Variants in ATP6V0E2 observed in about 807,000 individuals in gnomAD.
ATP6V0E2 encodes V-type proton ATPase subunit e 2.
Under a neutral mutation model 11.5 loss-of-function variants are expected in ATP6V0E2, and 4 were observed. The observed-to-expected ratio is 0.35, with a 90% CI of 0.17 to 0.80. ATP6V0E2 has a LOEUF of 0.80. ATP6V0E2 is among the 30% of genes least tolerant of loss of function. The pLI, the probability that ATP6V0E2 is intolerant of heterozygous loss-of-function variation, is 0.53. For missense variants in ATP6V0E2, 93 were observed against 113.5 expected (o/e 0.82, Z 0.82); for synonymous variants, 52 against 51.0 (o/e 1.02, Z -0.09).
chr7:149,875,824 T>C, intron 2 of ATP6V0E2, 179 bp downstream of exon 2: 2 of 684,336 alleles, frequency 2.9e-6, no homozygotes, highest in Non-Finnish European at 5.2e-6. Flanking sequence ...GGGCCAGAAG[T>C]CATGAACCCT....
At chr7:149,874,326 G>C (rs1324728998) in intron 1 of ATP6V0E2, among the ~76,000 whole-genome samples, 157 bp downstream of exon 1, 1 of 152,100 alleles carries the variant, frequency 6.6e-6, no homozygotes, top group Non-Finnish European at 1.5e-5. Context: ...CTCTGCACCT[G>C]GGTCTCTGAC....
Position 149,874,102 on chromosome 7 carries a change from T to C in ATP6V0E2, c.37T>C (p.Phe13Leu), listed in dbSNP as rs567839401. Residue 13 changes from phenylalanine (F) to leucine (L), a missense_variant, in exon 1 of 4, where the codon TTC becomes CTC. Transcript: ENST00000425642. ...CTCATTCGCCCTCCCGGTCATCATC[T>C]TCACCACGTTCTGGGGCCTCGTCGG... is the stretch of plus-strand genomic sequence containing the variant. ...AHSFALPVII[F>L]TTFWGLVGIA... 2.9e-5 allele frequency: 45 copies of C among 1,549,888 alleles called. No individual in the cohort carries two copies. In the Middle Eastern group the frequency reaches 6.7e-4, roughly 23 times the overall value.
chr7:149,873,652 G>A, upstream of ATP6V0E2: 1 of 372,116 alleles, frequency 2.7e-6, no homozygotes, highest in Non-Finnish European at 4.7e-6. Flanking sequence ...TTCGGGCCGA[G>A]CCGGCGCGGC....
Position 149,879,710 on chromosome 7 carries a change from C to A in ATP6V0E2, c.*395C>A, listed in dbSNP as rs367718659. On this transcript the variant is annotated 3_prime_UTR_variant, in exon 4 of 4. Coordinates refer to ENST00000425642, the MANE Select transcript of ATP6V0E2 (RefSeq NM_145230.4). Reference sequence around the variant, plus strand: ...ACGTGTCCTCATGGAGAGGGTGCTCCGGCCCAGGCGGGGGAGTCAGTGCCC... The same window carrying A: ...ACGTGTCCTCATGGAGAGGGTGCTCAGGCCCAGGCGGGGGAGTCAGTGCCC... The A allele has an allele frequency of 4.4e-6, 6 of 1,352,424 alleles. No homozygotes were observed. The Admixed American group carries it at 1.0e-4, about 23-fold the overall frequency. The allele number at this position is 1,352,424 out of a possible 1,614,324, so 83.8% of individuals were successfully genotyped here. A position where few individuals can be genotyped will look rare whatever the true frequency, so the allele number is the denominator to read the frequency against.
At chr7:149,874,292 C>T in intron 1 of ATP6V0E2, 123 bp downstream of exon 1, 1 of 1,282,208 alleles carries the variant, frequency 7.8e-7, no homozygotes, top group Non-Finnish European at 1.0e-6. Flanking sequence ...GACGCCAGGA[C>T]CCCGGACGCC....
Position 149,879,623 on chromosome 7 carries a change from G to C in ATP6V0E2, c.*308G>C. ...GAGATGCTGCTGGGGAGCTGGTATG[G>C]GTGGGGTCTTTCCCTTTACAGACGG... is the stretch of plus-strand genomic sequence containing the variant. On this transcript the variant is annotated 3_prime_UTR_variant, in exon 4 of 4. Transcript: ENST00000425642. The C allele has an allele frequency of 1.4e-6, 2 of 1,469,172 alleles. No individual in the cohort carries two copies. Among genetic ancestry groups the C allele is most frequent in the Non-Finnish European group, 1.8e-6 (2 of 1,107,812 alleles). The allele number at this position is 1,469,172 out of a possible 1,614,324, so 91.0% of individuals were successfully genotyped here. A position where few individuals can be genotyped will look rare whatever the true frequency, so the allele number is the denominator to read the frequency against.
chr7:149,879,457 C>A lies in ATP6V0E2; in HGVS notation c.*142C>A. The stretch of plus-strand genomic sequence containing the variant: ...CTGCTGGCACCCAGAGACCCGGACC[C>A]GCAGGGCCTGCCTGGTTCCTGGAAG... On this transcript the variant is annotated 3_prime_UTR_variant, in exon 4 of 4. Transcript: ENST00000425642. 6.3e-7 allele frequency: 1 copy of A among 1,595,316 alleles called. No individual in the cohort carries two copies. Among genetic ancestry groups the A allele is most frequent in the East Asian group, 2.3e-5 (1 of 43,284 alleles).
In ATP6V0E2 at chr7:149,880,337, C is replaced by T. The variant is rs78976092; in HGVS notation, c.*1022C>T. 4,766 of 152,536 alleles carry T rather than the reference C, an allele frequency of 0.031. 244 individuals are homozygous for T. Among genetic ancestry groups the T allele is most frequent in the African/African-American group, 0.11 (4,517 of 41,568 alleles). The allele number at this position is 152,536 out of a possible 1,614,324, so 9.4% of individuals were successfully genotyped here. ...AGCCTTGCCCTCACGCTTACCCGAG[C>T]TCCCAGTGTGGTTAGCACAGAGCTC... On this transcript the variant is annotated 3_prime_UTR_variant, in exon 4 of 4. Coordinates refer to ENST00000425642, the MANE Select transcript of ATP6V0E2 (RefSeq NM_145230.4).
At chr7:149,873,588 C>T (rs894114101), upstream of ATP6V0E2, 4 of 243,266 alleles carry the variant, frequency 1.6e-5, no homozygotes, top group East Asian at 2.9e-4. Flanking sequence ...CCGCGTCCGA[C>T]CCCCGCGGGG....
chr7:149,873,990 G>T lies in ATP6V0E2; in HGVS notation c.-76G>T, dbSNP rs767059605. The T allele has an allele frequency of 1.6e-5, 25 of 1,544,572 alleles. 3 individuals carry two copies. In the Admixed American group the frequency reaches 4.7e-4, roughly 29 times the overall value. ...TCCTGTTGCGCATGCTCAGCGCGCT[G>T]CCCGGCTGGGGACCCGCGCACCTGC... On this transcript the variant is annotated 5_prime_UTR_variant, in exon 1 of 4. Transcript: ENST00000425642.
chr7:149,877,186 C>T (rs1030717741), intron 2 of ATP6V0E2, among the ~76,000 whole-genome samples: 3 of 152,210 alleles, frequency 2.0e-5, no homozygotes, highest in Admixed American at 6.5e-5. Flanking sequence ...CCATTGCACC[C>T]GGCTGTTAAC....
intron 2 of ATP6V0E2, among the ~76,000 whole-genome samples, chr7:149,877,689 G>T (rs902424319): frequency 6.6e-6 from 1 of 151,960 alleles, no homozygotes; most frequent in Admixed American, 6.6e-5. Flanking sequence ...GGCCTCAGAG[G>T]GGCTTGTGTT....
chr7:149,876,044 T>C, intron 2 of ATP6V0E2: 1 of 466,664 alleles, frequency 2.1e-6, no homozygotes, highest in Non-Finnish European at 4.3e-6. Context: ...CTGTTGTTCA[T>C]GAATGCCCCC....
At chr7:149,879,193 C>T (rs1484405036) in intron 3 of ATP6V0E2, 142 bp from the exon 4 acceptor site, 3 of 1,401,376 alleles carry the variant, frequency 2.1e-6, no homozygotes, top group Admixed American at 3.1e-5. Flanking sequence ...AGACCCTAAC[C>T]TGGGCCCTAA....
Position 149,879,895 on chromosome 7 carries a change from A to G in ATP6V0E2, c.*580A>G. 2.5e-6 allele frequency: 1 copy of G among 403,014 alleles called. No homozygotes were observed. The highest frequency in any genetic ancestry group is 4.3e-6 in the Non-Finnish European group (1 of 230,452). The allele number at this position is 403,014 out of a possible 1,614,324, so 25.0% of individuals were successfully genotyped here. On this transcript the variant is annotated 3_prime_UTR_variant, in exon 4 of 4. Transcript: ENST00000425642. ...AGAGAAACATTCACACACAAAAAGCAACATAGTCATGTGGGTCCAGATGGC... is the reference window on the plus strand; with the variant it reads ...AGAGAAACATTCACACACAAAAAGCGACATAGTCATGTGGGTCCAGATGGC...
chr7:149,876,566 A>G (rs1435551423), intron 2 of ATP6V0E2, among the ~76,000 whole-genome samples: 1 of 152,212 alleles, frequency 6.6e-6, no homozygotes, highest in Non-Finnish European at 1.5e-5. Flanking sequence ...TTTATTAAAA[A>G]AATTTTTTAA....
At position 149,880,315 on chromosome 7, in the gene ATP6V0E2, CT is replaced by C; in HGVS notation, c.*1002del. ...CGCAGGGGTCCCGGACCTCTCCAGC[CT>C]TGCCCTCACGCTTACCCGAGCTCCC... On this transcript the variant is annotated 3_prime_UTR_variant, in exon 4 of 4. Transcript: ENST00000425642. 6.5e-6 allele frequency: 1 copy of C among 152,996 alleles called. No homozygotes were observed. The highest frequency in any genetic ancestry group is 1.5e-5 in the Non-Finnish European group (1 of 68,560). 9.5% of individuals were successfully genotyped at this position (152,996 alleles called of 1,614,324 possible). A position where few individuals can be genotyped will look rare whatever the true frequency, so the allele number is the denominator to read the frequency against.
rs754632541 is a variant in ATP6V0E2, at chr7:149,879,558, C to A, written c.*243C>A. 6.5e-7 allele frequency: 1 copy of A among 1,547,744 alleles called. No individual in the cohort carries two copies. ...CAGCGGCCGAGGGGATGTCCTGCTC[C>A]AATACCCGCACTGCTCTGGAGTTTG... On this transcript the variant is annotated 3_prime_UTR_variant, in exon 4 of 4. Coordinates refer to ENST00000425642, the MANE Select transcript of ATP6V0E2 (RefSeq NM_145230.4).
At chr7:149,873,826 G>T (rs1016183683), upstream of ATP6V0E2, 8 of 1,430,726 alleles carry the variant, frequency 5.6e-6, no homozygotes, top group Admixed American at 2.8e-5. Context: ...CCTATTCCTC[G>T]GCATTTCTCT....
Sources: gnomAD v4.1 joint callset for allele counts (sites outside exome capture counted in the v4.1 genomes callset) on GRCh38, gnomAD v4.1.1 for gene constraint, MANE v1.5 for transcripts, NCBI Gene and HGNC (gene_info 2026-07-23, HGNC 2026-07-21) for gene names.